Variants in MYO3B observed in about 807,000 individuals in gnomAD.
MYO3B encodes myosin IIIB.
MYO3B carries 156 observed loss-of-function variants against 174.6 expected under a neutral mutation model. The observed-to-expected ratio is 0.89, with a 90% CI of 0.78 to 1.02. The LOEUF (loss-of-function observed/expected upper bound fraction) is 1.02. Among genes scored for constraint, MYO3B ranks in the 50% least tolerant of loss-of-function variants. The pLI, the probability that MYO3B is intolerant of heterozygous loss-of-function variation, is 0.00. For missense variants in MYO3B, 1,632 were observed against 1,639.4 expected (o/e 1.00, Z 0.08); for synonymous variants, 563 against 569.1 (o/e 0.99, Z 0.15).
chr2:170,481,802 C>T (rs922694559), intron 25 of MYO3B, among the ~76,000 whole-genome samples: 4 of 152,112 alleles, frequency 2.6e-5, no homozygotes, highest in Non-Finnish European at 4.4e-5. Flanking sequence ...TGCATACTAT[C>T]GTTTCCATCA....
At chr2:170,593,665 A>C (rs1693962892) in intron 32 of MYO3B, among the ~76,000 whole-genome samples, 1 of 152,228 alleles carries the variant, frequency 6.6e-6, no homozygotes, top group Admixed American at 6.5e-5. Flanking sequence ...TTCACAATAC[A>C]TACTGGGATC....
chr2:170,422,561 C>T (rs1054409662), intron 22 of MYO3B, among the ~76,000 whole-genome samples: 45 of 151,424 alleles, frequency 3.0e-4, no homozygotes, highest in Non-Finnish European at 4.9e-4. Flanking sequence ...CAGGTTCAAG[C>T]GATTCTCCTG....
intron 32 of MYO3B, chr2:170,647,948 T>C (rs1698501969): frequency 6.6e-6 from 1 of 152,182 alleles, no homozygotes; most frequent in Non-Finnish European, 1.5e-5. Context: ...GATCAGTCTT[T>C]TGAGTTACCA....
chr2:170,510,069 T>C (rs953149479), intron 28 of MYO3B, among the ~76,000 whole-genome samples: 2 of 152,194 alleles, frequency 1.3e-5, no homozygotes, highest in African/African-American at 4.8e-5. Context: ...GTCAATAAAG[T>C]TGTGACAGTT....
At chr2:170,323,905 GA>G (rs2093846747) in intron 7 of MYO3B, among the ~76,000 whole-genome samples, 1 of 152,184 alleles carries the variant, frequency 6.6e-6, no homozygotes, top group African/African-American at 2.4e-5. Flanking sequence ...GAGCCAGGGG[GA>G]GACCCATGAA....
chr2:170,537,448 A>ATTGTTTTTTTT (rs1689788591), intron 30 of MYO3B, among the ~76,000 whole-genome samples: 1 of 54,804 alleles, frequency 1.8e-5, no homozygotes. Context: ...GAGCTCTTTG[A>ATTGTTTTTTTT]TTTTTTTTTT....
At chr2:170,325,914 C>A (rs1187482736) in intron 7 of MYO3B, among the ~76,000 whole-genome samples, 2 of 152,158 alleles carry the variant, frequency 1.3e-5, no homozygotes, top group Non-Finnish European at 2.9e-5. Flanking sequence ...ACCTTATCTG[C>A]TGACTGTGTT....
At chr2:170,199,866 A>G (rs1250958106) in intron 2 of MYO3B, among the ~76,000 whole-genome samples, 1 of 152,232 alleles carries the variant, frequency 6.6e-6, no homozygotes, top group Non-Finnish European at 1.5e-5. Context: ...TTCAATAAAA[A>G]AGATATTTAT....
intron 32 of MYO3B, among the ~76,000 whole-genome samples, chr2:170,629,971 T>C (rs534907128): frequency 2.2e-4 from 33 of 152,366 alleles, no homozygotes; most frequent in Non-Finnish European, 3.8e-4. Context: ...AGCTCCATTC[T>C]ACACCTCCCA....
At chr2:170,220,474 C>A (rs2092884027) in intron 6 of MYO3B, among the ~76,000 whole-genome samples, 1 of 149,842 alleles carries the variant, frequency 6.7e-6, no homozygotes, top group African/African-American at 2.5e-5. Context: ...ACTAAAAATA[C>A]AAAAATTAGC....
At chr2:170,424,385 G>A (rs1234359954) in intron 22 of MYO3B, among the ~76,000 whole-genome samples, 4 of 152,138 alleles carry the variant, frequency 2.6e-5, no homozygotes, top group Non-Finnish European at 4.4e-5. Flanking sequence ...TTGGGAGGCC[G>A]AGGTGCATGG....
chr2:170,557,037 G>T (rs1691359508), intron 32 of MYO3B, among the ~76,000 whole-genome samples: 1 of 150,174 alleles, frequency 6.7e-6, no homozygotes, highest in African/African-American at 2.4e-5. Context: ...AGAGTTCTTT[G>T]TATATTTTGG....
chr2:170,621,042 C>T (rs1022005724), intron 32 of MYO3B, among the ~76,000 whole-genome samples: 2 of 152,094 alleles, frequency 1.3e-5, no homozygotes, highest in African/African-American at 4.8e-5. Context: ...GCACCCGCCA[C>T]TGTGCCTGGC....
At chr2:170,471,956 A>C (rs1434700184) in intron 25 of MYO3B, among the ~76,000 whole-genome samples, 2 of 150,244 alleles carry the variant, frequency 1.3e-5, no homozygotes, top group South Asian at 2.1e-4. Context: ...GCGCCATTGC[A>C]CTCCAGCCTG....
At chr2:170,236,853 G>T (rs2093076444) in intron 7 of MYO3B, among the ~76,000 whole-genome samples, 1 of 152,176 alleles carries the variant, frequency 6.6e-6, no homozygotes, top group Non-Finnish European at 1.5e-5. Flanking sequence ...TTCAAAGGAA[G>T]GCTCTGGGCA....
chr2:170,552,806 C>T (rs927680159), intron 32 of MYO3B, among the ~76,000 whole-genome samples: 1 of 152,194 alleles, frequency 6.6e-6, no homozygotes, highest in African/African-American at 2.4e-5. Flanking sequence ...CAAAGGCCTG[C>T]AGGCTTAGAG....
chr2:170,256,331 G>A (rs1327474318), intron 7 of MYO3B, among the ~76,000 whole-genome samples: 1 of 152,166 alleles, frequency 6.6e-6, no homozygotes, highest in African/African-American at 2.4e-5. Context: ...AAGATGCATA[G>A]TAATCAGACT....
intron 8 of MYO3B, among the ~76,000 whole-genome samples, chr2:170,354,975 T>A (rs546689022): frequency 2.6e-5 from 4 of 152,154 alleles, no homozygotes; most frequent in Middle Eastern, 6.8e-3. Flanking sequence ...GAGGGTGAAG[T>A]GTTCATTTCT....
At chr2:170,468,886 C>T (rs916116150) in intron 25 of MYO3B, among the ~76,000 whole-genome samples, 1 of 152,062 alleles carries the variant, frequency 6.6e-6, no homozygotes, top group Non-Finnish European at 1.5e-5. Flanking sequence ...TCAGGCTGGG[C>T]GTGATGGCTC....
Sources: allele counts gnomAD v4.1 joint callset (sites outside exome capture counted in the v4.1 genomes callset), GRCh38; gene constraint gnomAD v4.1.1; transcripts MANE v1.5; gene names NCBI Gene and HGNC (gene_info 2026-07-23, HGNC 2026-07-21).